TNN: variants seen among roughly 807,000 people sequenced by gnomAD.
The protein encoded by TNN is tenascin N, also known as tenascin-N.
A neutral mutation model predicts 134.4 loss-of-function variants in TNN; 122 were observed. The ratio of observed to expected loss-of-function variants is 0.91; its 90% confidence interval spans 0.78 to 1.06. TNN has a LOEUF of 1.06. Among genes scored for constraint, TNN ranks in the 50% least tolerant of loss-of-function variants. TNN has a pLI of 0.00. For missense variants in TNN, 1,739 were observed against 1,699.4 expected (o/e 1.02, Z -0.41); for synonymous variants, 710 against 670.3 (o/e 1.06, Z -0.91).
chr1:175,135,974 T>C (rs1675798345), intron 16 of TNN, 33 bp downstream of exon 16: 1 of 1,504,872 alleles, frequency 6.6e-7, no homozygotes, highest in Admixed American at 1.7e-5. Context: ...GCTGGGGCTG[T>C]GGGGGGTGAT....
At chr1:175,131,895 C>T (rs1266380729) in intron 15 of TNN, among the ~76,000 whole-genome samples, 1 of 144,002 alleles carries the variant, frequency 6.9e-6, no homozygotes, top group Non-Finnish European at 1.5e-5. Context: ...TGGAAGCTTC[C>T]CTGGCCCAGA....
At chr1:175,083,216 G>T (rs1470419142) in intron 4 of TNN, among the ~76,000 whole-genome samples, 3 of 152,202 alleles carry the variant, frequency 2.0e-5, no homozygotes, top group Non-Finnish European at 4.4e-5. Context: ...CCTTAGAGGA[G>T]AATTTGAGAG....
rs759468253 is a variant in TNN at position 175,144,411 on chromosome 1, G to A, written c.3620G>A (p.Gly1207Glu). The change falls in exon 18 of 19, where the codon GGA (glycine) becomes GAA (glutamate). Residue 1207 changes from glycine (G) to glutamate (E), a missense_variant. By Grantham distance (98) the Gly-to-Glu change is moderately conservative. Transcript: ENST00000239462. ...TAGDALTYHN[G>E]WKFTTFDRDN... is the part of the protein sequence containing the mutation. ...GGGGATGCTCTTACTTACCACAATG[G>A]ATGGAAGTTTACAACTTTTGACAGA... The A allele has an allele frequency of 6.2e-7, 1 of 1,614,118 alleles. No homozygotes were observed. The highest frequency in any genetic ancestry group is 1.6e-4 in the Middle Eastern group (1 of 6,062).
intron 12 of TNN, 70 bp downstream of exon 12, chr1:175,123,733 C>G (rs1356275989): frequency 6.3e-7 from 1 of 1,592,028 alleles, no homozygotes. Flanking sequence ...CATCAGTGGG[C>G]TGGGGAGGGG....
chr1:175,095,285 TA>T (rs778266333), intron 7 of TNN, among the ~76,000 whole-genome samples: 3 of 152,198 alleles, frequency 2.0e-5, no homozygotes, highest in Admixed American at 6.5e-5. Flanking sequence ...CAAATTTCTG[TA>T]AAGGACCAGA....
chr1:175,127,509 G>A (rs1463668414), intron 13 of TNN, among the ~76,000 whole-genome samples: 2 of 152,196 alleles, frequency 1.3e-5, no homozygotes, highest in African/African-American at 4.8e-5. Context: ...AGGACACTTA[G>A]GTTTATGTGT....
intron 17 of TNN, among the ~76,000 whole-genome samples, chr1:175,141,190 G>A (rs898617872): frequency 1.1e-4 from 17 of 152,326 alleles, no homozygotes; most frequent in African/African-American, 3.6e-4. Context: ...TTCTGATTCT[G>A]AGTCTTCTAG....
chr1:175,083,985 G>A (rs779735359), intron 5 of TNN, 50 bp downstream of exon 5: 1 of 1,583,748 alleles, frequency 6.3e-7, no homozygotes, highest in Admixed American at 1.7e-5. Flanking sequence ...TGCAGAGGTG[G>A]GGATAGTGTG....
intron 17 of TNN, among the ~76,000 whole-genome samples, chr1:175,140,154 T>C (rs939560544): frequency 1.3e-5 from 2 of 152,238 alleles, no homozygotes; most frequent in African/African-American, 4.8e-5. Flanking sequence ...AACCCTTTGG[T>C]ATAATACAGT....
At chr1:175,132,114 G>A (rs756537858) in intron 15 of TNN, among the ~76,000 whole-genome samples, 6 of 152,152 alleles carry the variant, frequency 3.9e-5, no homozygotes, top group Non-Finnish European at 5.9e-5. Flanking sequence ...GCCATACATC[G>A]GTGCTACATG....
Position 175,097,511 on chromosome 1 carries a change from C to T in TNN, c.1683C>T (p.Tyr561=), listed in dbSNP as rs746619330. Residue 561 remains tyrosine, a synonymous_variant, in exon 8 of 19, where the codon TAC becomes TAT. Transcript: ENST00000239462. Reference sequence around the variant, plus strand: ...CGGTACAGGCCACCATTGACAAGTACGTGGTGCGCTACACCTCTGCTGACG... The same window carrying T: ...CGGTACAGGCCACCATTGACAAGTATGTGGTGCGCTACACCTCTGCTGACG... The part of the protein sequence containing the change: ...WDPVQATIDK[Y]VVRYTSADDQ... The T allele has an allele frequency of 1.5e-5, 24 of 1,614,092 alleles. 1 individual carries two copies. Among genetic ancestry groups the T allele is most frequent in the Admixed American group, 1.2e-4 (7 of 59,998 alleles).
At chr1:175,073,260 C>T (rs1673961134) in intron 1 of TNN, among the ~76,000 whole-genome samples, 1 of 152,150 alleles carries the variant, frequency 6.6e-6, no homozygotes, top group South Asian at 2.1e-4. Flanking sequence ...ATCAGTTGCT[C>T]AATGCCACTG....
At chr1:175,097,332 G>A (rs758314793) in intron 7 of TNN, 85 bp from the exon 8 acceptor site, 188 of 1,533,088 alleles carry the variant, frequency 1.2e-4, no homozygotes, top group Non-Finnish European at 1.6e-4. Context: ...ATTTGTTGAG[G>A]TTATCACTTT....
Position 175,077,510 on chromosome 1 carries a change from C to T in TNN, c.92C>T (p.Pro31Leu), listed in dbSNP as rs1674072182. Residue 31 changes from proline (P) to leucine (L), a missense_variant, in exon 2 of 19, where the codon CCC (proline) becomes CTC (leucine). By Grantham distance (98) the Pro-to-Leu change is moderately conservative. Coordinates refer to ENST00000239462, the MANE Select transcript of TNN (RefSeq NM_022093.2). Reference sequence around the variant, plus strand: ...TCGGCCCCAGCCACTCTGGAGCCTCCCGGCTGCAGCAACAAGGAGCAACAG... The same window carrying T: ...TCGGCCCCAGCCACTCTGGAGCCTCTCGGCTGCAGCAACAAGGAGCAACAG... ...VASAPATLEP[P>L]GCSNKEQQVT... The T allele has an allele frequency of 6.2e-7, 1 of 1,614,030 alleles. No individual in the cohort carries two copies. Among genetic ancestry groups the T allele is most frequent in the Non-Finnish European group, 8.5e-7 (1 of 1,180,028 alleles).
intron 18 of TNN, among the ~76,000 whole-genome samples, 180 bp from the exon 19 acceptor site, chr1:175,146,751 G>A (rs1480316654): frequency 6.6e-6 from 1 of 151,936 alleles, no homozygotes; most frequent in Non-Finnish European, 1.5e-5. Flanking sequence ...CAGAGGGCGC[G>A]TGTGTCCGGA....
intron 8 of TNN, 103 bp from the exon 9 acceptor site, chr1:175,098,229 T>G: frequency 6.5e-7 from 1 of 1,535,554 alleles, no homozygotes; most frequent in East Asian, 2.2e-5. Context: ...TGCCATTGCC[T>G]TGTTCTAAAA....
chr1:175,083,692 G>A (rs2072031), intron 4 of TNN, 58 bp from the exon 5 acceptor site: 455,957 of 1,539,332 alleles, frequency 0.3, 68,027 homozygotes, highest in South Asian at 0.33. Flanking sequence ...GCCTGTCACA[G>A]AACCTTGGAA....
intron 9 of TNN, among the ~76,000 whole-genome samples, chr1:175,103,900 G>A (rs927820380): frequency 6.9e-6 from 1 of 144,864 alleles, no homozygotes; most frequent in Non-Finnish European, 1.5e-5. Context: ...TTTGCATTAC[G>A]TGACTGTGCG....
intron 17 of TNN, among the ~76,000 whole-genome samples, chr1:175,142,680 C>A (rs550641439): frequency 6.6e-6 from 1 of 151,858 alleles, no homozygotes; most frequent in Non-Finnish European, 1.5e-5. Context: ...TGCAGTGGCA[C>A]GATCTTGGCT....
Sources: gnomAD v4.1 joint callset for allele counts (sites outside exome capture counted in the v4.1 genomes callset) on GRCh38, gnomAD v4.1.1 for gene constraint, MANE v1.5 for transcripts, NCBI Gene and HGNC (gene_info 2026-07-23, HGNC 2026-07-21) for gene names.